Variants in CPNE8 observed in about 807,000 individuals in gnomAD.
CPNE8 encodes the protein copine-8.
A neutral mutation model predicts 81.5 loss-of-function variants in CPNE8; 45 were observed. The ratio of observed to expected loss-of-function variants is 0.55; its 90% CI spans 0.44 to 0.71. The LOEUF (loss-of-function observed/expected upper bound fraction) is 0.71, where lower values mean the gene tolerates loss of function less well. CPNE8 is among the 30% of genes least tolerant of loss of function. The pLI is 0.00. For synonymous variants in CPNE8, 252 were observed against 226.3 expected (o/e 1.11, Z -1.02); for missense variants, 594 against 672.1 (o/e 0.88, Z 1.28).
chr12:38,719,335 G>A (rs561812576), intron 13 of CPNE8, among the ~76,000 whole-genome samples: 4 of 152,218 alleles, frequency 2.6e-5, no homozygotes, highest in African/African-American at 9.6e-5. Context: ...TGGGTGTGGT[G>A]GCTCATTCCT....
Position 38,805,759 on chromosome 12 carries a change from C to A in CPNE8, c.407+23620G>T, listed in dbSNP as rs1225018491. 2.8e-5 allele frequency among the ~76,000 whole-genome samples: 4 copies of A among 145,408 alleles called. 1 individual carries two copies. Among genetic ancestry groups the A allele is most frequent in the East Asian group, 4.7e-4 (2 of 4,266 alleles). Reference sequence around the variant, plus strand: ...AGGCAAGAAATAACTAAGATCAGAGCAGAACTGAAGGAAATAGAGACACAA... The same window carrying A: ...AGGCAAGAAATAACTAAGATCAGAGAAGAACTGAAGGAAATAGAGACACAA... On this transcript the variant is annotated intron_variant, in intron 6 of 19. Transcript: ENST00000331366.
At chr12:38,764,030 C>T (rs1941625131) in intron 8 of CPNE8, among the ~76,000 whole-genome samples, 1 of 152,152 alleles carries the variant, frequency 6.6e-6, no homozygotes, top group Non-Finnish European at 1.5e-5. Flanking sequence ...GTGCCTTCTC[C>T]TTCCAGGCAG....
In CPNE8 at chr12:38,805,929, C is replaced by T. The variant is rs1393221847; in HGVS notation, c.407+23450G>A. 2.6e-4 allele frequency among the ~76,000 whole-genome samples: 39 copies of T among 149,664 alleles called. 5 individuals carry two copies. The East Asian group carries it at 5.4e-3, about 21-fold the overall frequency. ...AAAATGATAAAGGGGATATCACCAC[C>T]GATCCCACAGAAATACAAACTACCA... On this transcript the variant is annotated intron_variant, in intron 6 of 19. Coordinates refer to ENST00000331366, the MANE Select transcript of CPNE8 (RefSeq NM_153634.3).
chr12:38,867,328 G>GTT, intron 3 of CPNE8, among the ~76,000 whole-genome samples: 1 of 144,466 alleles, frequency 6.9e-6, no homozygotes, highest in South Asian at 2.2e-4. Flanking sequence ...GTGTGTGTGT[G>GTT]TGTGTGTGTG....
chr12:38,894,635 C>A (rs76356118), intron 1 of CPNE8, among the ~76,000 whole-genome samples: 7,262 of 150,518 alleles, frequency 0.048, 587 homozygotes, highest in African/African-American at 0.17. Flanking sequence ...CTTAGTCTCA[C>A]GTGCTTGCTC....
At chr12:38,859,734 T>G (rs950994899) in intron 3 of CPNE8, among the ~76,000 whole-genome samples, 1 of 152,104 alleles carries the variant, frequency 6.6e-6, no homozygotes, top group African/African-American at 2.4e-5. Context: ...CATGGATCAT[T>G]AGAATAGAAG....
chr12:38,775,334 A>G (rs1414628559), intron 7 of CPNE8, among the ~76,000 whole-genome samples: 1 of 152,212 alleles, frequency 6.6e-6, no homozygotes, highest in Non-Finnish European at 1.5e-5. Context: ...AAAAGTTAAA[A>G]AGACAACTTT....
At position 38,769,217 on chromosome 12, in the gene CPNE8, A is replaced by G. The variant is rs114681937; in HGVS notation, c.472-1479T>C. Among the ~76,000 whole-genome samples, 756 of 152,280 alleles carry G rather than the reference A, an allele frequency of 5.0e-3. 4 individuals are homozygous for G. Among genetic ancestry groups the G allele is most frequent in the African/African-American group, 0.017 (705 of 41,558 alleles). ...ACATTTTCAAAAGTATTGGTATAGTATTATTTGATTTTACTTGTAGCATGT... is the reference window on the plus strand; with the variant it reads ...ACATTTTCAAAAGTATTGGTATAGTGTTATTTGATTTTACTTGTAGCATGT... On this transcript the variant is annotated intron_variant, in intron 7 of 19. Coordinates refer to ENST00000331366, the MANE Select transcript of CPNE8 (RefSeq NM_153634.3).
chr12:38,776,428 C>T (rs1289180169), intron 6 of CPNE8, 127 bp from the exon 7 acceptor site: 1 of 262,562 alleles, frequency 3.8e-6, no homozygotes, highest in Non-Finnish European at 7.0e-6. Flanking sequence ...ATGGTTCTTC[C>T]CTAACAAATA....
chr12:38,895,371 G>C (rs1262135158), intron 1 of CPNE8, among the ~76,000 whole-genome samples: 1 of 151,854 alleles, frequency 6.6e-6, no homozygotes, highest in Non-Finnish European at 1.5e-5. Context: ...CAATTCCACT[G>C]GTAAATTTGA....
At chr12:38,736,234 T>TGTGTCTGTGTG (rs60702724) in intron 10 of CPNE8, among the ~76,000 whole-genome samples, 92 of 148,736 alleles carry the variant, frequency 6.2e-4, no homozygotes, top group Non-Finnish European at 1.0e-3. Context: ...TGTGTGTGTG[T>TGTGTCTGTGTG]TGTGTGTGTA....
chr12:38,737,984 T>C (rs1260550172), intron 10 of CPNE8, among the ~76,000 whole-genome samples: 1 of 152,152 alleles, frequency 6.6e-6, no homozygotes, highest in Non-Finnish European at 1.5e-5. Flanking sequence ...ATCCTCTCTC[T>C]CTGTATTTCG....
rs1387908686 is a variant in CPNE8 at position 38,803,610 on chromosome 12, C to T, written c.407+25769G>A. On this transcript the variant is annotated intron_variant, in intron 6 of 19. Transcript: ENST00000331366. The stretch of plus-strand genomic sequence containing the variant: ...TGAAAACTGGCACAAGACAGGGATG[C>T]CCTCTCTCACCGCTCCTATTCAACA... Among the ~76,000 whole-genome samples the T allele has an allele frequency of 1.3e-3, 190 of 143,098 alleles. 1 individual carries two copies. Among genetic ancestry groups the T allele is most frequent in the African/African-American group, 4.5e-3 (180 of 39,624 alleles). The allele number at this position is 143,098 out of a possible 152,430, so 93.9% of individuals were successfully genotyped here.
At chr12:38,741,180 A>G (rs917185121) in intron 10 of CPNE8, among the ~76,000 whole-genome samples, 35 of 152,258 alleles carry the variant, frequency 2.3e-4, no homozygotes, top group African/African-American at 7.5e-4. Flanking sequence ...GGAAAAAACC[A>G]CTTTAAAGTT....
At chr12:38,740,305 CGAT>C (rs1277754950) in intron 10 of CPNE8, among the ~76,000 whole-genome samples, 1 of 152,146 alleles carries the variant, frequency 6.6e-6, no homozygotes, top group Admixed American at 6.6e-5. Flanking sequence ...GGGGTTAAGA[CGAT>C]GAGGTTTTCT....
At chr12:38,779,996 T>A (rs1248154657) in intron 6 of CPNE8, among the ~76,000 whole-genome samples, 1 of 152,152 alleles carries the variant, frequency 6.6e-6, no homozygotes, top group Non-Finnish European at 1.5e-5. Context: ...AGTGCCAATG[T>A]CCAGGCACTT....
chr12:38,904,987 G>A (rs954829259), intron 1 of CPNE8, among the ~76,000 whole-genome samples: 1 of 152,158 alleles, frequency 6.6e-6, no homozygotes, highest in Non-Finnish European at 1.5e-5. Flanking sequence ...AGCTGCCGGG[G>A]TTGGAGCCAA....
intron 10 of CPNE8, among the ~76,000 whole-genome samples, chr12:38,754,156 C>T (rs1273609570): frequency 6.6e-6 from 1 of 152,064 alleles, no homozygotes; most frequent in Non-Finnish European, 1.5e-5. Flanking sequence ...AGAATATCAA[C>T]AGGCAAAATG....
intron 13 of CPNE8, among the ~76,000 whole-genome samples, chr12:38,705,195 T>C (rs1224514014): frequency 6.6e-6 from 1 of 152,078 alleles, no homozygotes; most frequent in Non-Finnish European, 1.5e-5. Flanking sequence ...CACAGCACAA[T>C]TGATTTAACA....
Sources: allele counts gnomAD v4.1 joint callset (sites outside exome capture counted in the v4.1 genomes callset), GRCh38; gene constraint gnomAD v4.1.1; transcripts MANE v1.5; gene names NCBI Gene and HGNC (gene_info 2026-07-23, HGNC 2026-07-21).